The following PTPN2 variants were observed in gnomAD, a reference collection of about 807,000 sequenced individuals.
PTPN2 encodes the protein protein tyrosine phosphatase non-receptor type 2.
A neutral mutation model predicts 57.3 loss-of-function variants in PTPN2; 19 were observed. That is an observed-to-expected ratio of 0.33 (90% CI 0.23 to 0.49). The LOEUF (loss-of-function observed/expected upper bound fraction) is 0.49. PTPN2 is among the 20% of genes least tolerant of loss of function. The pLI is 0.99. For synonymous variants in PTPN2, 153 were observed against 164.9 expected (o/e 0.93, Z 0.55); for missense variants, 358 against 501.1 (o/e 0.71, Z 2.73).
At chr18:12,882,146 G>A (rs2044686331) in intron 1 of PTPN2, among the ~76,000 whole-genome samples, 1 of 152,198 alleles carries the variant, frequency 6.6e-6, no homozygotes, top group East Asian at 1.9e-4. Flanking sequence ...AGAACACATA[G>A]CTCAAACTTC....
chr18:12,829,291 G>A (rs188332165), intron 4 of PTPN2, among the ~76,000 whole-genome samples: 117 of 152,170 alleles, frequency 7.7e-4, no homozygotes, highest in African/African-American at 2.6e-3. Context: ...CGAGGTGGGC[G>A]TATCACTTGA....
intron 1 of PTPN2, among the ~76,000 whole-genome samples, chr18:12,882,951 G>A (rs1193136599): frequency 6.6e-6 from 1 of 152,212 alleles, no homozygotes; most frequent in Non-Finnish European, 1.5e-5. Flanking sequence ...AGGATTAAAC[G>A]AAGGGGAAAG....
intron 1 of PTPN2, among the ~76,000 whole-genome samples, chr18:12,878,537 G>C (rs1170413004): frequency 6.6e-6 from 1 of 151,918 alleles, no homozygotes; most frequent in African/African-American, 2.4e-5. Flanking sequence ...GGGCGTGCTG[G>C]TGGGCACCTG....
downstream of PTPN2, among the ~76,000 whole-genome samples, chr18:12,789,646 G>A (rs8090599): frequency 0.071 from 10,773 of 152,126 alleles, 459 homozygotes; most frequent in Middle Eastern, 0.14. Context: ...TCTATGCCCC[G>A]GCTACACATC....
At chr18:12,791,117 G>A (rs189984551), downstream of PTPN2, among the ~76,000 whole-genome samples, 330 of 152,226 alleles carry the variant, frequency 2.2e-3, 8 homozygotes, top group Admixed American at 0.02. Flanking sequence ...TTCTATATAT[G>A]TGCAAGCATA....
At chr18:12,821,110 T>C (rs1230173363) in intron 5 of PTPN2, among the ~76,000 whole-genome samples, 4 of 152,170 alleles carry the variant, frequency 2.6e-5, no homozygotes, top group Non-Finnish European at 5.9e-5. Context: ...CCAGGCCCAA[T>C]TACTTTCACA....
At chr18:12,807,602 T>TATACAA (rs2041726153) in intron 7 of PTPN2, among the ~76,000 whole-genome samples, 2 of 98,670 alleles carry the variant, frequency 2.0e-5, no homozygotes, top group African/African-American at 3.4e-5. Flanking sequence ...TATATATATA[T>TATACAA]ATAATATAAT....
At chr18:12,809,835 G>T (rs1841495740) in intron 7 of PTPN2, among the ~76,000 whole-genome samples, 1 of 152,156 alleles carries the variant, frequency 6.6e-6, no homozygotes, top group Non-Finnish European at 1.5e-5. Flanking sequence ...TCATACAATG[G>T]ATAAACTAGT....
chr18:12,880,340 AG>A (rs756442310), intron 1 of PTPN2, among the ~76,000 whole-genome samples: 2 of 152,158 alleles, frequency 1.3e-5, no homozygotes, highest in Non-Finnish European at 2.9e-5. Context: ...GAGCCGGAGG[AG>A]GGGCTGAATT....
At chr18:12,823,856 T>C (rs914535811) in intron 5 of PTPN2, among the ~76,000 whole-genome samples, 1 of 152,218 alleles carries the variant, frequency 6.6e-6, no homozygotes, top group Non-Finnish European at 1.5e-5. Context: ...AGATGATATA[T>C]ATGTGAAAGC....
downstream of PTPN2, among the ~76,000 whole-genome samples, chr18:12,788,360 A>C (rs2040895626): frequency 6.6e-6 from 1 of 151,502 alleles, no homozygotes; most frequent in Non-Finnish European, 1.5e-5. Context: ...TTAAAAAAAT[A>C]AAGTAGGAAG....
At chr18:12,863,301 T>C (rs1010452375) in intron 1 of PTPN2, 4 of 151,892 alleles carry the variant, frequency 2.6e-5, no homozygotes, top group African/African-American at 4.8e-5. Context: ...TGCCAAAAAA[T>C]TTTTTTAATT....
At chr18:12,855,594 T>C (rs1254305590) in intron 2 of PTPN2, among the ~76,000 whole-genome samples, 4 of 152,120 alleles carry the variant, frequency 2.6e-5, no homozygotes, top group African/African-American at 9.7e-5. Flanking sequence ...CAGGACGATA[T>C]CCTGAGCATG....
intron 1 of PTPN2, among the ~76,000 whole-genome samples, chr18:12,865,334 C>A (rs1200310326): frequency 2.0e-5 from 3 of 151,206 alleles, no homozygotes; most frequent in Non-Finnish European, 4.4e-5. Flanking sequence ...ACTTGGGAGG[C>A]AGAAGTGGGA....
intron 4 of PTPN2, among the ~76,000 whole-genome samples, chr18:12,826,923 TATC>T (rs1423367869): frequency 6.6e-6 from 1 of 152,174 alleles, no homozygotes; most frequent in African/African-American, 2.4e-5. Flanking sequence ...AAGCCATAGG[TATC>T]ATATTCATAA....
rs577707333 is a variant in PTPN2, at chr18:12,818,791, G to A, written c.496-1426C>T. Among the ~76,000 whole-genome samples the A allele has an allele frequency of 9.2e-5, 14 of 151,782 alleles. No homozygotes were observed. In the South Asian group the frequency reaches 1.3e-3, roughly 14 times the overall value. ...TTTTCAAAATTAGAAGTTAGCTTTC[G>A]CTTTAAAAATATAAATTTTCGGCCG... On this transcript the variant is annotated intron_variant, in intron 5 of 8. Transcript: ENST00000309660.
intron 2 of PTPN2, among the ~76,000 whole-genome samples, chr18:12,850,359 C>A (rs1204945935): frequency 6.6e-6 from 1 of 151,922 alleles, no homozygotes; most frequent in African/African-American, 2.4e-5. Flanking sequence ...CCTGGTGGCA[C>A]GTGCCTGTAC....
At chr18:12,881,127 G>A (rs2044654129) in intron 1 of PTPN2, among the ~76,000 whole-genome samples, 1 of 152,116 alleles carries the variant, frequency 6.6e-6, no homozygotes, top group Admixed American at 6.5e-5. Context: ...CAGTCAGAAC[G>A]ATCTTGCTAA....
chr18:12,820,486 A>AG (rs771516792), intron 5 of PTPN2, among the ~76,000 whole-genome samples: 12 of 152,284 alleles, frequency 7.9e-5, no homozygotes, highest in East Asian at 3.9e-4. Context: ...AAAAAATGAG[A>AG]GGGGAAAAAA....
Sources: gnomAD v4.1 joint callset for allele counts (sites outside exome capture counted in the v4.1 genomes callset) on GRCh38, gnomAD v4.1.1 for gene constraint, MANE v1.5 for transcripts, NCBI Gene and HGNC (gene_info 2026-07-23, HGNC 2026-07-21) for gene names.